Variants in PACRG observed in about 807,000 individuals in gnomAD.
PACRG encodes parkin coregulated gene protein.
In PACRG, 29 loss-of-function variants were observed where a neutral mutation model predicts 29.7. The ratio of observed to expected loss-of-function variants is 0.98; its 90% confidence interval spans 0.73 to 1.33. The LOEUF (loss-of-function observed/expected upper bound fraction) is 1.33. PACRG is among the 40% of genes most tolerant of loss of function. The pLI is 0.00. For synonymous variants in PACRG, 116 were observed against 118.7 expected (o/e 0.98, Z 0.15); for missense variants, 279 against 316.2 (o/e 0.88, Z 0.89).
intron 1 of PACRG, among the ~76,000 whole-genome samples, chr6:162,752,453 G>T (rs4709648): frequency 1.3e-5 from 2 of 152,000 alleles, no homozygotes; most frequent in African/African-American, 4.8e-5. Context: ...TCAAGTTCCT[G>T]GAATTTTCTG....
At chr6:163,245,066 A>T (rs1026005031) in intron 4 of PACRG, 2 of 455,034 alleles carry the variant, frequency 4.4e-6, no homozygotes, top group African/African-American at 4.0e-5. Flanking sequence ...ATTTTAAGTC[A>T]GTTTATGCTT....
chr6:163,125,606 A>C (rs750109680), intron 4 of PACRG, among the ~76,000 whole-genome samples: 2 of 152,222 alleles, frequency 1.3e-5, no homozygotes, highest in Non-Finnish European at 2.9e-5. Flanking sequence ...AGCATAGTCA[A>C]AAACAATGAA....
chr6:163,255,729 C>T (rs762624298), intron 4 of PACRG, among the ~76,000 whole-genome samples: 5 of 152,138 alleles, frequency 3.3e-5, no homozygotes, highest in African/African-American at 7.2e-5. Flanking sequence ...CTCTGCCTCC[C>T]GGGTTCAAGC....
At chr6:162,958,864 TATATATATATATATATATATAG>T (rs1800302716) in intron 2 of PACRG, among the ~76,000 whole-genome samples, 4 of 67,308 alleles carry the variant, frequency 5.9e-5, no homozygotes, top group African/African-American at 1.2e-4. Context: ...TATATATATA[TATATATATATATATATATATAG>T]AGAGAGAGAG....
At chr6:162,959,212 C>T (rs1800403920) in intron 2 of PACRG, among the ~76,000 whole-genome samples, 1 of 151,780 alleles carries the variant, frequency 6.6e-6, no homozygotes, top group African/African-American at 2.4e-5. Flanking sequence ...AGCCACCGTG[C>T]CTGGCCAACA....
intron 2 of PACRG, among the ~76,000 whole-genome samples, chr6:162,857,752 A>G (rs186763018): frequency 6.7e-6 from 1 of 148,516 alleles, no homozygotes; most frequent in East Asian, 2.0e-4. Context: ...AATTCTCCAG[A>G]TGATCCATTT....
At chr6:162,884,092 G>A (rs747202123) in intron 2 of PACRG, among the ~76,000 whole-genome samples, 3 of 151,886 alleles carry the variant, frequency 2.0e-5, no homozygotes, top group Non-Finnish European at 2.9e-5. Context: ...CTGAGACTAC[G>A]GGCCTGCCAC....
In PACRG at chr6:162,964,855, AG is replaced by A. The variant is rs1800901676; in HGVS notation, c.292-97292del. On this transcript the variant is annotated intron_variant, in intron 2 of 4. Transcript: ENST00000366888. ...AGATAAACAACAGGAACTGGTATTT[AG>A]GGAGGGTGGCATCTTTTCAAGGAGG... Among the ~76,000 whole-genome samples, 4 of 152,238 alleles carry A rather than the reference AG, an allele frequency of 2.6e-5. No homozygotes were observed. The South Asian group carries it at 8.3e-4, about 32-fold the overall frequency.
chr6:163,258,259 A>G (rs1475413286), intron 4 of PACRG, among the ~76,000 whole-genome samples: 1 of 152,204 alleles, frequency 6.6e-6, no homozygotes, highest in Non-Finnish European at 1.5e-5. Flanking sequence ...TCTTTTAGAC[A>G]TGTCATTTAT....
chr6:162,787,859 G>A (rs1784631920), intron 1 of PACRG, among the ~76,000 whole-genome samples: 2 of 151,194 alleles, frequency 1.3e-5, no homozygotes. Context: ...CTAGTCCAAT[G>A]CCAGTGTTGG....
rs191860364 is a variant in PACRG, at chr6:163,253,585, G to T, written c.614-61242G>T. Among the ~76,000 whole-genome samples, 19 of 152,248 alleles carry T rather than the reference G, an allele frequency of 1.2e-4. No homozygotes were observed. In the East Asian group the frequency reaches 3.5e-3, roughly 28 times the overall value. ...AGGAGACTGAGGCCCAAAGAATTTA[G>T]CCATGTTGTATAAGCTTACTCAGCC... On this transcript the variant is annotated intron_variant, in intron 4 of 4. Coordinates refer to ENST00000366888, the MANE Select transcript of PACRG (RefSeq NM_001080379.2).
chr6:163,300,454 C>T (rs897800109), intron 4 of PACRG, among the ~76,000 whole-genome samples: 5 of 152,138 alleles, frequency 3.3e-5, no homozygotes, highest in Admixed American at 6.5e-5. Flanking sequence ...AGTAGAGAAG[C>T]GGAGGGAGTC....
intron 2 of PACRG, among the ~76,000 whole-genome samples, chr6:162,986,421 A>C (rs1224246106): frequency 1.3e-5 from 2 of 152,172 alleles, no homozygotes; most frequent in Non-Finnish European, 2.9e-5. Context: ...CTTACAGCCT[A>C]CTGATCTTAG....
At chr6:163,186,943 C>G (rs1045131593) in intron 4 of PACRG, among the ~76,000 whole-genome samples, 4 of 152,182 alleles carry the variant, frequency 2.6e-5, no homozygotes, top group Non-Finnish European at 5.9e-5. Flanking sequence ...ACATTTTCCC[C>G]GGGCTCTGCG....
intron 4 of PACRG, among the ~76,000 whole-genome samples, chr6:163,137,495 A>G (rs866131389): frequency 3.9e-5 from 6 of 152,214 alleles, no homozygotes; most frequent in Middle Eastern, 3.4e-3. Flanking sequence ...CATCCATTCA[A>G]AGAGGAGCGC....
chr6:162,920,109 T>C (rs1796965702), intron 2 of PACRG, among the ~76,000 whole-genome samples: 1 of 151,584 alleles, frequency 6.6e-6, no homozygotes. Context: ...GCATAGAAGG[T>C]GTTCACTGTT....
At chr6:163,076,514 G>A (rs6936463) in intron 3 of PACRG, among the ~76,000 whole-genome samples, 5,534 of 152,214 alleles carry the variant, frequency 0.036, 334 homozygotes, top group African/African-American at 0.12. Flanking sequence ...TGCATTTCCA[G>A]ATTTTAAGGG....
At chr6:163,229,808 C>T (rs140513227) in intron 4 of PACRG, among the ~76,000 whole-genome samples, 1 of 152,274 alleles carries the variant, frequency 6.6e-6, no homozygotes, top group Non-Finnish European at 1.5e-5. Context: ...CCAACAGGCT[C>T]CACAATTCCT....
At chr6:163,007,975 A>G (rs1042664796) in intron 2 of PACRG, among the ~76,000 whole-genome samples, 2 of 152,082 alleles carry the variant, frequency 1.3e-5, no homozygotes, top group African/African-American at 2.4e-5. Context: ...CCCTCTCTCA[A>G]GACTTCCTAA....
Sources: gnomAD v4.1 joint callset for allele counts (sites outside exome capture counted in the v4.1 genomes callset) on GRCh38, gnomAD v4.1.1 for gene constraint, MANE v1.5 for transcripts, NCBI Gene and HGNC (gene_info 2026-07-23, HGNC 2026-07-21) for gene names.